CDH12: variants seen among roughly 807,000 people sequenced by gnomAD.
CDH12 encodes the protein cadherin-12.
In CDH12, 41 loss-of-function variants were observed where a neutral mutation model predicts 74.1. The observed-to-expected ratio is 0.55, with a 90% CI of 0.43 to 0.72. The LOEUF (loss-of-function observed/expected upper bound fraction) is 0.72. Among genes scored for constraint, CDH12 ranks in the 30% least tolerant of loss-of-function variants. CDH12 has a pLI of 0.00. For synonymous variants in CDH12, 399 were observed against 355.0 expected, an observed-to-expected ratio of 1.12 and a Z score of -1.39; for missense variants, 945 against 977.2, an observed-to-expected ratio of 0.97 and a Z score of 0.44.
chr5:22,651,825 C>G (rs1359226064), intron 1 of CDH12, among the ~76,000 whole-genome samples: 1 of 151,670 alleles, frequency 6.6e-6, no homozygotes, highest in Non-Finnish European at 1.5e-5. Context: ...ATTTTATGGT[C>G]TGTGAATTAT....
At chr5:22,413,798 T>A (rs1743265355) in intron 2 of CDH12, among the ~76,000 whole-genome samples, 1 of 152,028 alleles carries the variant, frequency 6.6e-6, no homozygotes, top group Non-Finnish European at 1.5e-5. Context: ...ATTTTTCAAT[T>A]TGTTAATTTT....
chr5:22,620,466 A>G (rs1737914555), intron 1 of CDH12, among the ~76,000 whole-genome samples: 2 of 152,096 alleles, frequency 1.3e-5, no homozygotes, highest in Admixed American at 6.6e-5. Flanking sequence ...CTACACATGG[A>G]AAAGAATTAT....
At chr5:22,498,344 T>A (rs1312584224) in intron 2 of CDH12, among the ~76,000 whole-genome samples, 1 of 152,062 alleles carries the variant, frequency 6.6e-6, no homozygotes, top group African/African-American at 2.4e-5. Context: ...AACACCAACA[T>A]GGTTAACAAC....
intron 5 of CDH12, among the ~76,000 whole-genome samples, chr5:21,978,647 T>C (rs1212715700): frequency 6.6e-6 from 1 of 152,174 alleles, no homozygotes; most frequent in Non-Finnish European, 1.5e-5. Context: ...TTTGAAATTT[T>C]TCAAAATTAC....
At chr5:22,640,761 C>A (rs1260582401) in intron 1 of CDH12, among the ~76,000 whole-genome samples, 1 of 152,158 alleles carries the variant, frequency 6.6e-6, no homozygotes, top group Non-Finnish European at 1.5e-5. Flanking sequence ...CAAAACCCAT[C>A]ACTTTCCAAT....
chr5:21,851,348 G>A (rs1579833507), intron 7 of CDH12, among the ~76,000 whole-genome samples: 1 of 150,886 alleles, frequency 6.6e-6, no homozygotes, highest in Admixed American at 6.6e-5. Flanking sequence ...CTGTTGAGAT[G>A]TTCAGCATCC....
At chr5:21,852,449 T>C (rs1213580939) in intron 7 of CDH12, among the ~76,000 whole-genome samples, 1 of 151,456 alleles carries the variant, frequency 6.6e-6, no homozygotes. Context: ...TGAAAGTTGA[T>C]ATTGGCCAAG....
intron 6 of CDH12, among the ~76,000 whole-genome samples, chr5:21,923,106 G>T (rs1278093372): frequency 6.6e-6 from 1 of 151,500 alleles, no homozygotes; most frequent in Non-Finnish European, 1.5e-5. Flanking sequence ...TATTTTTCTT[G>T]TTGTTTTAAT....
intron 7 of CDH12, among the ~76,000 whole-genome samples, chr5:21,844,999 G>GTAGGTAGATAGATAGA (rs143176975): frequency 6.7e-6 from 1 of 149,600 alleles, no homozygotes; most frequent in Admixed American, 6.7e-5. Context: ...ACTGAGGTAG[G>GTAGGTAGATAGATAGA]TAGATAGATA....
intron 3 of CDH12, among the ~76,000 whole-genome samples, chr5:22,371,700 A>G (rs1162382737): frequency 2.0e-5 from 3 of 152,222 alleles, no homozygotes; most frequent in Non-Finnish European, 4.4e-5. Flanking sequence ...AGCTTTTAAA[A>G]TCAATTAAGT....
At chr5:22,832,406 T>C (rs1347100584) in intron 1 of CDH12, among the ~76,000 whole-genome samples, 1 of 152,132 alleles carries the variant, frequency 6.6e-6, no homozygotes, top group Admixed American at 6.6e-5. Context: ...GTCTGAAGTT[T>C]AAGAAATTGG....
At chr5:22,804,517 C>G (rs1748688414) in intron 1 of CDH12, among the ~76,000 whole-genome samples, 1 of 152,152 alleles carries the variant, frequency 6.6e-6, no homozygotes, top group South Asian at 2.1e-4. Flanking sequence ...AGTCGTGAGT[C>G]TGAAATTCAA....
chr5:22,122,790 C>G (rs1447566207), intron 4 of CDH12, among the ~76,000 whole-genome samples: 1 of 152,244 alleles, frequency 6.6e-6, no homozygotes, highest in Non-Finnish European at 1.5e-5. Context: ...AAAGAAGACT[C>G]TCTCTGCCTA....
At chr5:22,306,159 C>G (rs1326178432) in intron 3 of CDH12, among the ~76,000 whole-genome samples, 1 of 151,448 alleles carries the variant, frequency 6.6e-6, no homozygotes, top group African/African-American at 2.5e-5. Context: ...AAGAACCCTT[C>G]TGCTCACCAG....
intron 1 of CDH12, among the ~76,000 whole-genome samples, chr5:22,533,318 T>C (rs1286777967): frequency 6.6e-6 from 1 of 152,206 alleles, no homozygotes; most frequent in Non-Finnish European, 1.5e-5. Context: ...GGTTAAGAAA[T>C]CCTGATCTAT....
In CDH12 at chr5:22,582,775, C is replaced by T. The variant is rs1444854685; in HGVS notation, c.-522-77411G>A. On this transcript the variant is annotated intron_variant, in intron 1 of 14. Coordinates refer to ENST00000382254, the MANE Select transcript of CDH12 (RefSeq NM_004061.5). The stretch of plus-strand genomic sequence containing the variant: ...CTGAATCCTGAGTCAAAAAAGTTTA[C>T]TGCAATTGTATCATGTTTTCATGAA... Among the ~76,000 whole-genome samples, 17 of 152,154 alleles carry T rather than the reference C, an allele frequency of 1.1e-4. No homozygotes were observed. In the East Asian group the frequency reaches 3.3e-3, roughly 29 times the overall value.
chr5:22,232,313 T>C (rs565397807), intron 3 of CDH12, among the ~76,000 whole-genome samples: 5 of 152,048 alleles, frequency 3.3e-5, no homozygotes, highest in Non-Finnish European at 7.4e-5. Context: ...AAAAGCTGTT[T>C]TGAAGTATTT....
chr5:22,692,039 G>A (rs889051157), intron 1 of CDH12, among the ~76,000 whole-genome samples: 7 of 152,154 alleles, frequency 4.6e-5, no homozygotes, highest in African/African-American at 1.7e-4. Flanking sequence ...CAATGTTAGA[G>A]GTGGTACTTG....
At chr5:21,815,990 A>G (rs577363163) in intron 9 of CDH12, among the ~76,000 whole-genome samples, 1 of 152,328 alleles carries the variant, frequency 6.6e-6, no homozygotes, top group South Asian at 2.1e-4. Context: ...CATAAAATAT[A>G]TAATAGTTGA....
Sources: gnomAD v4.1 joint callset for allele counts (sites outside exome capture counted in the v4.1 genomes callset) on GRCh38, gnomAD v4.1.1 for gene constraint, MANE v1.5 for transcripts, NCBI Gene and HGNC (gene_info 2026-07-23, HGNC 2026-07-21) for gene names.